The following SETDB2 variants were observed in gnomAD, a reference collection of about 807,000 sequenced individuals.
SETDB2 encodes SET domain bifurcated histone lysine methyltransferase 2, also known as histone-lysine N-methyltransferase SETDB2.
In SETDB2, 56 loss-of-function variants were observed where a neutral mutation model predicts 82.5. The observed-to-expected ratio is 0.68, with a 90% confidence interval of 0.55 to 0.85. SETDB2 has a LOEUF of 0.85. Ranked by LOEUF, SETDB2 falls within the 40% of genes least tolerant of loss-of-function variation. The pLI is 0.00. For missense variants in SETDB2, 677 were observed against 816.4 expected (o/e 0.83, Z 2.08); for synonymous variants, 272 against 284.9 (o/e 0.95, Z 0.46).
rs180692221 is a variant in SETDB2 at position 49,448,595 on chromosome 13, G to T, written c.-341-2958G>T. 1.5e-3 allele frequency among the ~76,000 whole-genome samples: 222 copies of T among 152,264 alleles called. 2 individuals are homozygous for T. The highest frequency in any genetic ancestry group is 3.3e-3 in the South Asian group (16 of 4,824). ...TTTTAATTTCCGCAGGTAGTATGGG[G>T]TGGGGGGTTGATTTACTACATTCAG... On this transcript the variant is annotated intron_variant, in intron 1 of 13. Transcript: ENST00000611815.
intron 1 of SETDB2, among the ~76,000 whole-genome samples, chr13:49,445,298 C>T (rs1957644165): frequency 6.6e-6 from 1 of 152,170 alleles, no homozygotes; most frequent in Admixed American, 6.5e-5. Flanking sequence ...ACCCGTGGTT[C>T]TGTCGTTACA....
Position 49,494,999 on chromosome 13 carries a change from CTG to C in SETDB2, c.*3151_*3152del, listed in dbSNP as rs1958777699. The C allele has an allele frequency of 6.6e-6, 1 of 151,690 alleles. No homozygotes were observed. The highest frequency in any genetic ancestry group is 1.5e-5 in the Non-Finnish European group (1 of 67,978). The allele number at this position is 151,690 out of a possible 1,614,324, so 9.4% of individuals were successfully genotyped here. On this transcript the variant is annotated 3_prime_UTR_variant, in exon 14 of 14. Coordinates refer to ENST00000611815, the MANE Select transcript of SETDB2 (RefSeq NM_001160308.3). Reference sequence around the variant, plus strand: ...CTAAATAAAGGCTTGCTACTGGCAACTGGATTTAGGATCGGCTAATTCTGCGT... The same window carrying C: ...CTAAATAAAGGCTTGCTACTGGCAACGATTTAGGATCGGCTAATTCTGCGT...
At chr13:49,462,898 C>T (rs1355327045) in intron 4 of SETDB2, among the ~76,000 whole-genome samples, 5 of 152,138 alleles carry the variant, frequency 3.3e-5, no homozygotes, top group East Asian at 3.9e-4. Context: ...CAGTAACACT[C>T]GGAATTGTAG....
intron 5 of SETDB2, 36 bp downstream of exon 5, chr13:49,467,996 C>A: frequency 1.4e-6 from 2 of 1,429,316 alleles, no homozygotes; most frequent in South Asian, 1.3e-5. Context: ...AATGCTTTTG[C>A]TCCTACAGAT....
chr13:49,459,436 A>G (rs891037474), intron 2 of SETDB2, among the ~76,000 whole-genome samples: 2 of 152,220 alleles, frequency 1.3e-5, no homozygotes, highest in East Asian at 3.8e-4. Flanking sequence ...AATTTTATAC[A>G]TTGTAACATT....
intron 5 of SETDB2, among the ~76,000 whole-genome samples, chr13:49,470,814 T>A (rs1423619742): frequency 6.6e-6 from 1 of 152,114 alleles, no homozygotes; most frequent in East Asian, 1.9e-4. Flanking sequence ...CTCCGCACTC[T>A]AGCTTGGGTG....
intron 2 of SETDB2, among the ~76,000 whole-genome samples, chr13:49,452,262 C>T (rs566186968): frequency 1.8e-4 from 28 of 152,174 alleles, no homozygotes; most frequent in Non-Finnish European, 3.1e-4. Flanking sequence ...CAGGCATGTG[C>T]CACCATGCCC....
chr13:49,492,279 ATAAT>A lies in SETDB2; in HGVS notation c.*432_*435del. The A allele has an allele frequency of 5.6e-6, 1 of 180,076 alleles. No homozygotes were observed. The highest frequency in any genetic ancestry group is 1.6e-4 in the East Asian group (1 of 6,408). 11.2% of individuals were successfully genotyped at this position (180,076 alleles called of 1,614,324 possible). On this transcript the variant is annotated 3_prime_UTR_variant, in exon 14 of 14. Transcript: ENST00000611815. The stretch of plus-strand genomic sequence containing the variant: ...AAAATTGATTTTTAATTCCTGGCAA[ATAAT>A]TTACCATTATGAGCTACAAGGTGGG...
At chr13:49,475,518 A>G (rs1958337786) in intron 5 of SETDB2, among the ~76,000 whole-genome samples, 2 of 151,252 alleles carry the variant, frequency 1.3e-5, no homozygotes, top group Non-Finnish European at 2.9e-5. Context: ...ACAGGATCTC[A>G]CTCTGTCACC....
chr13:49,446,971 A>T (rs1957702896), intron 1 of SETDB2, among the ~76,000 whole-genome samples: 1 of 152,136 alleles, frequency 6.6e-6, no homozygotes, highest in Non-Finnish European at 1.5e-5. Context: ...ACCTCTACTA[A>T]TTTACATGTT....
chr13:49,472,577 A>T (rs988407028), intron 5 of SETDB2, among the ~76,000 whole-genome samples: 6 of 147,952 alleles, frequency 4.1e-5, no homozygotes, highest in Non-Finnish European at 7.5e-5. Context: ...TTTTATTTCT[A>T]TTTTTTTTTT....
chr13:49,476,828 C>T lies in SETDB2; in HGVS notation c.658C>T (p.Arg220Trp), dbSNP rs1291999495. Residue 220 changes from arginine (R) to tryptophan (W), a missense_variant, in exon 6 of 14, where the codon CGG becomes TGG. By Grantham distance (101) the Arg-to-Trp change is moderately radical (BLOSUM62 -3). Around this residue, in one of 3 missense-constraint regions of SETDB2, gnomAD observed 243 missense variants for 237.2 expected, o/e 1.02. Transcript: ENST00000611815. ...TTTCAATACCTATGTTCAGTTGGCT[C>T]GGAATTACCCAAAGCAAAAAGAAGT... is the stretch of plus-strand genomic sequence containing the variant. ...FSFNTYVQLA[R>W]NYPKQKEVVS... is the part of the protein sequence containing the mutation. The T allele has an allele frequency of 6.8e-6, 11 of 1,613,742 alleles. No homozygotes were observed. The highest frequency in any genetic ancestry group is 8.5e-6 in the Non-Finnish European group (10 of 1,179,962).
At chr13:49,458,119 C>A (rs1178517095) in intron 2 of SETDB2, among the ~76,000 whole-genome samples, 1 of 152,184 alleles carries the variant, frequency 6.6e-6, no homozygotes, top group Non-Finnish European at 1.5e-5. Flanking sequence ...GCTGATTGTT[C>A]TCTAAAATTC....
At chr13:49,447,441 C>T (rs995939369) in intron 1 of SETDB2, among the ~76,000 whole-genome samples, 1 of 152,084 alleles carries the variant, frequency 6.6e-6, no homozygotes. Flanking sequence ...TAGCAACTGT[C>T]TTCATCTTGT....
At chr13:49,474,179 T>G (rs997889179) in intron 5 of SETDB2, among the ~76,000 whole-genome samples, 2 of 152,118 alleles carry the variant, frequency 1.3e-5, no homozygotes, top group Non-Finnish European at 2.9e-5. Context: ...CAAGAATTGC[T>G]TGAAGCTGGG....
chr13:49,452,149 T>C (rs143385368), intron 2 of SETDB2, among the ~76,000 whole-genome samples: 94 of 152,012 alleles, frequency 6.2e-4, no homozygotes, highest in African/African-American at 2.1e-3. Context: ...GGAGTCTCTG[T>C]CGCCCAGGCT....
chr13:49,462,947 G>T (rs912813447), intron 4 of SETDB2, among the ~76,000 whole-genome samples: 18 of 152,128 alleles, frequency 1.2e-4, no homozygotes, highest in Non-Finnish European at 2.6e-4. Context: ...GGGGATGAGG[G>T]CTGTAACAAA....
At chr13:49,454,630 G>A (rs1402013856) in intron 2 of SETDB2, among the ~76,000 whole-genome samples, 1 of 152,140 alleles carries the variant, frequency 6.6e-6, no homozygotes, top group East Asian at 1.9e-4. Context: ...TTCATAGTCT[G>A]CATTCCTTAC....
chr13:49,461,534 C>G (rs952811590), intron 4 of SETDB2, among the ~76,000 whole-genome samples: 1 of 152,176 alleles, frequency 6.6e-6, no homozygotes, highest in African/African-American at 2.4e-5. Context: ...GTGGGTAAAT[C>G]TTTTATTTCT....
Sources: allele counts gnomAD v4.1 joint callset (sites outside exome capture counted in the v4.1 genomes callset), GRCh38; gene constraint gnomAD v4.1.1; regional missense constraint gnomAD v4.1.1; transcripts MANE v1.5; gene names NCBI Gene and HGNC (gene_info 2026-07-23, HGNC 2026-07-21).